INTS11: variants seen among roughly 807,000 people sequenced by gnomAD.
INTS11 encodes CPSF3-like protein.
INTS11 carries 77 observed loss-of-function variants against 78.6 expected under a neutral mutation model. That is an observed-to-expected ratio of 0.98 (90% confidence interval 0.81 to 1.18). The LOEUF (loss-of-function observed/expected upper bound fraction) is 1.18, where lower values mean the gene tolerates loss of function less well. Ranked by LOEUF, INTS11 falls within the 50% of genes most tolerant of loss-of-function variation. The pLI, the probability that INTS11 is intolerant of heterozygous loss-of-function variation, is 0.00. For synonymous variants in INTS11, 441 were observed against 326.9 expected, an observed-to-expected ratio of 1.35 and a Z score of -3.77; for missense variants, 875 against 825.9, an observed-to-expected ratio of 1.06 and a Z score of -0.73.
At chr1:1,313,355 C>T in intron 10 of INTS11, 154 bp downstream of exon 10, 1 of 937,838 alleles carries the variant, frequency 1.1e-6, no homozygotes, top group Non-Finnish European at 1.7e-6. Context: ...GACTGAGCAG[C>T]TCCAGGCGGA....
intron 1 of INTS11, chr1:1,322,697 G>T (rs1643021810): frequency 7.3e-6 from 1 of 137,590 alleles, no homozygotes; most frequent in Non-Finnish European, 1.5e-5. Flanking sequence ...GGGCAGGGTG[G>T]GTGGGGGGAC....
In INTS11 at chr1:1,312,914, G is replaced by GA. The variant is rs2100566594; in HGVS notation, c.1166dup (p.Ser390GlnfsTer83). 1 of 1,612,462 alleles carries GA rather than the reference G, an allele frequency of 6.2e-7. No individual in the cohort carries two copies. Among genetic ancestry groups the GA allele is most frequent in the Non-Finnish European group, 8.5e-7 (1 of 1,179,758 alleles). On this transcript the variant is annotated frameshift_variant, in exon 12 of 17. Coordinates refer to ENST00000435064, the MANE Select transcript of INTS11 (RefSeq NM_017871.6). LOFTEE classifies it high-confidence loss of function. ...TGCCCTTGGCGTCCGCGTGTGCGCT[G>GA]AATGACATGTACTCCACCTGCATCT... is the stretch of plus-strand genomic sequence containing the variant.
chr1:1,322,028 C>G, intron 1 of INTS11: 4 of 1,242,574 alleles, frequency 3.2e-6, no homozygotes, highest in Non-Finnish European at 4.2e-6. Flanking sequence ...AGGCCTGTTC[C>G]TGCCCCCGCT....
intron 5 of INTS11, 21 bp downstream of exon 5, chr1:1,315,499 G>A: frequency 1.2e-6 from 2 of 1,612,236 alleles, no homozygotes; most frequent in Non-Finnish European, 1.7e-6. Context: ...CCCCTCCCAA[G>A]CCTCAAGCCC....
intron 3 of INTS11, chr1:1,320,109 G>T: frequency 3.7e-6 from 1 of 270,490 alleles, no homozygotes; most frequent in East Asian, 9.1e-5. Flanking sequence ...CGGGTCATGA[G>T]CTGCTGAACC....
intron 1 of INTS11, chr1:1,323,015 GGAAAGGGGCA>G (rs1266107193): frequency 2.2e-6 from 3 of 1,394,720 alleles, no homozygotes; most frequent in Non-Finnish European, 2.8e-6. Context: ...AGGCCAAATG[GGAAAGGGGCA>G]GGCTGGGAGG....
chr1:1,313,188 G>T, intron 10 of INTS11, 64 bp from the exon 11 acceptor site: 2 of 1,526,476 alleles, frequency 1.3e-6, no homozygotes, highest in Non-Finnish European at 1.8e-6. Flanking sequence ...GGCCTTGCCC[G>T]GGATGCCCCC....
chr1:1,324,393 G>C (rs978692303), intron 1 of INTS11, among the ~76,000 whole-genome samples, 188 bp downstream of exon 1: 4 of 152,158 alleles, frequency 2.6e-5, no homozygotes, highest in Non-Finnish European at 5.9e-5. Context: ...TCGCGTCACT[G>C]CCGGAGGCCC....
chr1:1,323,501 C>A (rs1643087503), intron 1 of INTS11, among the ~76,000 whole-genome samples: 1 of 152,108 alleles, frequency 6.6e-6, no homozygotes, highest in African/African-American at 2.4e-5. Flanking sequence ...ACCTCCTGGG[C>A]TCAAGCAATC....
intron 4 of INTS11, chr1:1,318,875 G>A (rs62623580): frequency 0.029 from 19,652 of 668,404 alleles, 769 homozygotes; most frequent in Admixed American, 0.1. Context: ...CTTCTTCCCT[G>A]ACCCACACCC....
chr1:1,313,332 G>C, intron 10 of INTS11, 177 bp downstream of exon 10: 1 of 883,732 alleles, frequency 1.1e-6, no homozygotes, highest in South Asian at 1.6e-5. Context: ...AGGTGGACAA[G>C]CTGTGTCACA....
chr1:1,319,503 G>A lies in INTS11; in HGVS notation c.222C>T (p.Cys74=), dbSNP rs777497964. The A allele has an allele frequency of 1.9e-5, 30 of 1,588,586 alleles. No individual in the cohort carries two copies. The East Asian group carries it at 2.2e-4, about 12-fold the overall frequency. ...VIISHFHLDH[C]GALPYFSEMV... ...TCTCGCTGAAGTAGGGGAGTGCCCC[G>A]CAGTGGTCCAGGTGGAAGTGGCTAG... The change falls in exon 4 of 17, where the codon TGC becomes TGT. Residue 74 remains cysteine (C), a synonymous_variant. Coordinates refer to ENST00000435064, the MANE Select transcript of INTS11 (RefSeq NM_017871.6).
intron 4 of INTS11, among the ~76,000 whole-genome samples, chr1:1,316,000 T>G (rs948034316): frequency 1.3e-5 from 2 of 152,176 alleles, no homozygotes; most frequent in African/African-American, 4.8e-5. Context: ...AGCGTGGACT[T>G]TGAATACATG....
chr1:1,320,154 G>C (rs943376030), intron 3 of INTS11: 9 of 372,324 alleles, frequency 2.4e-5, no homozygotes, highest in African/African-American at 1.9e-4. Context: ...TCGGGACTCT[G>C]GAATCGCCAA....
intron 12 of INTS11, 43 bp from the exon 13 acceptor site, chr1:1,312,743 T>G: frequency 6.3e-7 from 1 of 1,594,268 alleles, no homozygotes; most frequent in Admixed American, 1.7e-5. Flanking sequence ...AGGCTGCCCG[T>G]GCTGACCCGA....
rs766431443 is a variant in INTS11, at chr1:1,313,761, G to A, written c.928C>T (p.Arg310Trp). 19 of 1,613,058 alleles carry A rather than the reference G, an allele frequency of 1.2e-5. No individual in the cohort carries two copies. The highest frequency in any genetic ancestry group is 2.2e-5 in the East Asian group (1 of 44,900). ...FEFKHIKAFDRAFADNPGPMV... is the reference protein window; with the variant it reads ...FEFKHIKAFDWAFADNPGPMV... ...GGTCCTGGGTTGTCAGCAAAAGCCCGGTCGAAGGCCTTGATGTGCTTGAAC... is the reference window on the plus strand; with the variant it reads ...GGTCCTGGGTTGTCAGCAAAAGCCCAGTCGAAGGCCTTGATGTGCTTGAAC... Residue 310 changes from arginine to tryptophan, a missense_variant, in exon 9 of 17, where the codon CGG becomes TGG. Arg to Trp is a moderately radical substitution (Grantham distance 101, BLOSUM62 -3). Coordinates refer to ENST00000435064, the MANE Select transcript of INTS11 (RefSeq NM_017871.6).
intron 1 of INTS11, 140 bp downstream of exon 1, chr1:1,324,440 AG>A: frequency 1.2e-6 from 1 of 822,248 alleles, no homozygotes; most frequent in South Asian, 1.8e-5. Context: ...GGCTCCCACC[AG>A]GGCCCGCGCG....
At position 1,312,630 on chromosome 1, in the gene INTS11, G is replaced by C; in HGVS notation, c.1365C>G (p.Gly455=). ...CCCGCTTCAGCAGCCCCAGCGAGAT[G>C]CCTACGGGGATGCTGGGGCTTGTGG... ...TLPTSPSIPV[G]ISLGLLKREM... Residue 455 remains glycine (G), a synonymous_variant, in exon 13 of 17, where the codon GGC becomes GGG. Transcript: ENST00000435064. 2 of 1,587,526 alleles carry C rather than the reference G, an allele frequency of 1.3e-6. No individual in the cohort carries two copies. Among genetic ancestry groups the C allele is most frequent in the Non-Finnish European group, 1.7e-6 (2 of 1,162,862 alleles).
Position 1,314,248 on chromosome 1 carries a change from T to C in INTS11, c.767+53A>G. 3.3e-6 allele frequency: 5 copies of C among 1,493,288 alleles called. No individual in the cohort carries two copies. The highest frequency in any genetic ancestry group is 4.6e-6 in the Non-Finnish European group (5 of 1,093,640). 92.5% of individuals were successfully genotyped at this position (1,493,288 alleles called of 1,614,324 possible). On this transcript the variant is annotated intron_variant, in intron 8 of 16. Coordinates refer to ENST00000435064, the MANE Select transcript of INTS11 (RefSeq NM_017871.6). The surrounding 1 kb of genome is among the most constrained non-coding windows in gnomAD (Gnocchi z 4.2). ...GGACAGGGCTGCCCACCAACTGGAC[T>C]GTGTTCAGGCCGGGCCAGGGGCTCC...
Sources: allele counts gnomAD v4.1 joint callset (sites outside exome capture counted in the v4.1 genomes callset), GRCh38; gene constraint gnomAD v4.1.1; non-coding constraint Gnocchi (gnomAD v3.1); transcripts MANE v1.5; gene names NCBI Gene and HGNC (gene_info 2026-07-23, HGNC 2026-07-21).